OVAAL: variants seen among roughly 807,000 people sequenced by gnomAD.
The protein encoded by OVAAL is long intergenic non-protein coding RNA 1131.
At chr1:180,561,097 G>T (rs1653192785) in intron 1 of OVAAL, among the ~76,000 whole-genome samples, 1 of 152,086 alleles carries the variant, frequency 6.6e-6, no homozygotes, top group Non-Finnish European at 1.5e-5. Context: ...TCAGGAACCA[G>T]GGTTATCTGG....
intron 2 of OVAAL, among the ~76,000 whole-genome samples, chr1:180,564,952 C>T (rs947622885): frequency 3.3e-5 from 5 of 152,164 alleles, no homozygotes; most frequent in East Asian, 1.9e-4. Flanking sequence ...CCTATGCCCT[C>T]GCTCTGTTCC....
chr1:180,565,684 T>C (rs1477272601), exon 3 of OVAAL: 2 of 152,170 alleles, frequency 1.3e-5, no homozygotes, highest in Non-Finnish European at 2.9e-5. Context: ...TACAGCAAGA[T>C]TATTTGCTTT....
intron 2 of OVAAL, chr1:180,562,477 C>T (rs1318249694): frequency 6.6e-6 from 1 of 151,986 alleles, no homozygotes; most frequent in Non-Finnish European, 1.5e-5. Context: ...CTGAGGGGTC[C>T]CATGAAAGCA....
intron 2 of OVAAL, among the ~76,000 whole-genome samples, chr1:180,564,576 A>C (rs1020754223): frequency 6.6e-6 from 1 of 152,168 alleles, no homozygotes; most frequent in African/African-American, 2.4e-5. Context: ...CATCTGTTCC[A>C]ATTGGACCAG....
intron 1 of OVAAL, chr1:180,562,096 C>A (rs1653215703): frequency 1.3e-5 from 2 of 152,202 alleles, no homozygotes; most frequent in East Asian, 3.8e-4. Context: ...GCAGGAGGAC[C>A]AGCCATCCAC....
At chr1:180,563,250 C>T (rs1218732146) in intron 2 of OVAAL, among the ~76,000 whole-genome samples, 2 of 152,158 alleles carry the variant, frequency 1.3e-5, no homozygotes, top group African/African-American at 2.4e-5. Flanking sequence ...GTGGAGTTCA[C>T]GTTCTGTTTC....
At chr1:180,564,320 G>A (rs1176696827) in intron 2 of OVAAL, among the ~76,000 whole-genome samples, 1 of 152,054 alleles carries the variant, frequency 6.6e-6, no homozygotes, top group Non-Finnish European at 1.5e-5. Flanking sequence ...GTATAACTAT[G>A]TCCTAAATAT....
At chr1:180,559,509 G>T (rs1193228872) in intron 1 of OVAAL, among the ~76,000 whole-genome samples, 2 of 152,178 alleles carry the variant, frequency 1.3e-5, no homozygotes, top group Non-Finnish European at 2.9e-5. Flanking sequence ...TTTCTAAGCA[G>T]CAAAGCATTC....
chr1:180,562,535 G>A (rs988899525), intron 2 of OVAAL, among the ~76,000 whole-genome samples: 16 of 152,286 alleles, frequency 1.1e-4, no homozygotes, highest in African/African-American at 3.4e-4. Flanking sequence ...TACGAATGCT[G>A]TAACTCAGGG....
At chr1:180,560,329 T>G (rs1013835285) in intron 1 of OVAAL, among the ~76,000 whole-genome samples, 1 of 152,090 alleles carries the variant, frequency 6.6e-6, no homozygotes, top group Non-Finnish European at 1.5e-5. Flanking sequence ...ATATAAGAAC[T>G]GTGTATCTCT....
chr1:180,564,317 T>G (rs919020313), intron 2 of OVAAL, among the ~76,000 whole-genome samples: 2 of 152,232 alleles, frequency 1.3e-5, no homozygotes, highest in Non-Finnish European at 2.9e-5. Context: ...TAAGTATAAC[T>G]ATGTCCTAAA....
chr1:180,561,527 G>T (rs939864169), intron 1 of OVAAL, among the ~76,000 whole-genome samples: 1 of 152,094 alleles, frequency 6.6e-6, no homozygotes, highest in Non-Finnish European at 1.5e-5. Flanking sequence ...CAGAGCAGTT[G>T]CTTTGCCTGG....
chr1:180,561,471 T>G (rs3843275), intron 1 of OVAAL, among the ~76,000 whole-genome samples: 108,380 of 150,814 alleles, frequency 0.72, 38,979 homozygotes, highest in East Asian at 0.87. Context: ...GATCCATGGA[T>G]ATCTACACAT....
At chr1:180,559,635 C>T (rs1047842353) in intron 1 of OVAAL, among the ~76,000 whole-genome samples, 2 of 152,176 alleles carry the variant, frequency 1.3e-5, no homozygotes, top group East Asian at 3.9e-4. Flanking sequence ...CGGCCGGGCA[C>T]GGTGGTTCAT....
At chr1:180,563,497 G>A (rs942708085) in intron 2 of OVAAL, among the ~76,000 whole-genome samples, 1 of 152,148 alleles carries the variant, frequency 6.6e-6, no homozygotes, top group African/African-American at 2.4e-5. Context: ...GAGCAGGATT[G>A]GAAGGAAAGG....
At chr1:180,563,238 G>A (rs1302263283) in intron 2 of OVAAL, among the ~76,000 whole-genome samples, 2 of 152,140 alleles carry the variant, frequency 1.3e-5, no homozygotes, top group African/African-American at 2.4e-5. Context: ...AGTAACAGCC[G>A]GGTGGAGTTC....
intron 2 of OVAAL, among the ~76,000 whole-genome samples, chr1:180,564,108 C>G (rs1653255729): frequency 6.6e-6 from 1 of 152,108 alleles, no homozygotes; most frequent in Non-Finnish European, 1.5e-5. Flanking sequence ...GTTGGCAAAA[C>G]AGGTGTGAAT....
intron 2 of OVAAL, among the ~76,000 whole-genome samples, chr1:180,563,984 C>G (rs1189392650): frequency 6.6e-6 from 1 of 152,120 alleles, no homozygotes; most frequent in Middle Eastern, 3.4e-3. Context: ...GTGTGGGGAC[C>G]CTCTTCTGTC....
chr1:180,559,776 T>G (rs1391012534), intron 1 of OVAAL, among the ~76,000 whole-genome samples: 1 of 151,684 alleles, frequency 6.6e-6, no homozygotes, highest in African/African-American at 2.4e-5. Context: ...CGTGGTGGTG[T>G]GTGCCTGTAA....
Sources: gnomAD v4.1 joint callset for allele counts (sites outside exome capture counted in the v4.1 genomes callset) on GRCh38, gnomAD v4.1.1 for gene constraint, MANE v1.5 for transcripts, NCBI Gene and HGNC (gene_info 2026-07-23, HGNC 2026-07-21) for gene names.